The following ADAM10 variants were observed in gnomAD, a reference collection of about 807,000 sequenced individuals.
ADAM10 encodes disintegrin and metalloproteinase domain-containing protein 10.
A neutral mutation model predicts 90.1 loss-of-function variants in ADAM10; 17 were observed. The ratio of observed to expected loss-of-function variants is 0.19; its 90% CI spans 0.13 to 0.28. The LOEUF is 0.28. Among genes scored for constraint, ADAM10 ranks in the 10% least tolerant of loss-of-function variants. The probability of loss-of-function intolerance (pLI) is 1.00; values close to 1 mark genes in which losing one functional copy is unlikely to be tolerated. For synonymous variants in ADAM10, 310 were observed against 298.6 expected (o/e 1.04, Z -0.40); for missense variants, 610 against 914.3 (o/e 0.67, Z 4.29).
intron 5 of ADAM10, among the ~76,000 whole-genome samples, chr15:58,655,675 T>C (rs1182749232): frequency 9.2e-6 from 1 of 108,852 alleles, no homozygotes; most frequent in Non-Finnish European, 1.7e-5. Flanking sequence ...CATACATACA[T>C]ACATATATAT....
At chr15:58,737,262 T>C (rs1392816097) in intron 1 of ADAM10, among the ~76,000 whole-genome samples, 1 of 152,176 alleles carries the variant, frequency 6.6e-6, no homozygotes, top group Non-Finnish European at 1.5e-5. Flanking sequence ...TGATTACATA[T>C]ATATTTATCT....
chr15:58,612,665 AG>A lies in ADAM10; in HGVS notation c.1512-675del, dbSNP rs145952449. ...TCCCCGGTGACCCAACTCGTCACTG[AG>A]TCCTATTGGCTCAGGCTCCGAAATT... is the stretch of plus-strand genomic sequence containing the variant. On this transcript the variant is annotated intron_variant, in intron 11 of 15. Transcript: ENST00000260408. 5.7e-4 allele frequency among the ~76,000 whole-genome samples: 87 copies of A among 152,254 alleles called. 1 individual carries two copies. The East Asian group carries it at 0.015, about 26-fold the overall frequency.
chr15:58,747,698 T>G (rs1450242519), intron 1 of ADAM10: 1 of 152,218 alleles, frequency 6.6e-6, no homozygotes, highest in African/African-American at 2.4e-5. Flanking sequence ...CACCAAAAAT[T>G]AGCCTTTTAA....
intron 5 of ADAM10, among the ~76,000 whole-genome samples, chr15:58,653,396 T>C (rs1896735276): frequency 6.6e-6 from 1 of 152,212 alleles, no homozygotes; most frequent in Non-Finnish European, 1.5e-5. Flanking sequence ...GTACCTTCTA[T>C]ACGCAATTTT....
chr15:58,720,935 T>A (rs1201467505), intron 1 of ADAM10, among the ~76,000 whole-genome samples: 1 of 152,244 alleles, frequency 6.6e-6, no homozygotes, highest in Non-Finnish European at 1.5e-5. Context: ...AGCTTGGCTT[T>A]GCAGAACTGT....
intron 11 of ADAM10, among the ~76,000 whole-genome samples, chr15:58,619,552 C>A (rs1032877283): frequency 1.3e-5 from 2 of 152,112 alleles, no homozygotes; most frequent in Non-Finnish European, 2.9e-5. Flanking sequence ...ATATTGTATG[C>A]ATGTATCAAA....
At chr15:58,601,238 G>A (rs8032025) in intron 14 of ADAM10, among the ~76,000 whole-genome samples, 5,499 of 152,186 alleles carry the variant, frequency 0.036, 114 homozygotes, top group African/African-American at 0.065. Flanking sequence ...GGGGCGGGTG[G>A]ATCACCTGAG....
intron 8 of ADAM10, among the ~76,000 whole-genome samples, chr15:58,635,624 AT>A (rs1896230730): frequency 6.6e-6 from 1 of 152,186 alleles, no homozygotes; most frequent in Non-Finnish European, 1.5e-5. Flanking sequence ...AAATATATAA[AT>A]AAGTATTCTG....
Position 58,627,686 on chromosome 15 carries a change from G to C in ADAM10, c.1360+14C>G. On this transcript the variant is annotated intron_variant, in intron 10 of 15. Transcript: ENST00000260408. ...GAAAATGTTCATAACAAAACGTTAGGAAAATATACATACCAACAAAACAGT... is the reference window on the plus strand; with the variant it reads ...GAAAATGTTCATAACAAAACGTTAGCAAAATATACATACCAACAAAACAGT... 6.2e-7 allele frequency: 1 copy of C among 1,608,724 alleles called. No individual in the cohort carries two copies. Among genetic ancestry groups the C allele is most frequent in the Non-Finnish European group, 8.5e-7 (1 of 1,175,744 alleles).
chr15:58,660,979 G>A (rs141549543), intron 5 of ADAM10, among the ~76,000 whole-genome samples: 36 of 152,382 alleles, frequency 2.4e-4, no homozygotes, highest in African/African-American at 8.2e-4. Context: ...CCCACAGGCC[G>A]TAGTTTGCTG....
At chr15:58,735,987 T>C (rs1260610316) in intron 1 of ADAM10, among the ~76,000 whole-genome samples, 1 of 152,170 alleles carries the variant, frequency 6.6e-6, no homozygotes, top group African/African-American at 2.4e-5. Context: ...TAGAGGACAA[T>C]AAAATGTTAC....
At chr15:58,676,399 A>T in intron 4 of ADAM10, 1 of 403,274 alleles carries the variant, frequency 2.5e-6, no homozygotes. Context: ...GTATATATTA[A>T]GCCATAATAA....
At chr15:58,616,891 A>C (rs1360567439) in intron 11 of ADAM10, among the ~76,000 whole-genome samples, 2 of 152,032 alleles carry the variant, frequency 1.3e-5, no homozygotes, top group African/African-American at 4.8e-5. Context: ...GACAGATCAC[A>C]AGGTCAAGAG....
intron 1 of ADAM10, among the ~76,000 whole-genome samples, chr15:58,726,679 C>G (rs1361078443): frequency 6.9e-6 from 1 of 145,176 alleles, no homozygotes; most frequent in Non-Finnish European, 1.5e-5. Flanking sequence ...CAGTTTAAAA[C>G]TCAGCCATAT....
rs1393740704 is a variant in ADAM10, at chr15:58,675,869, G to A, written c.484+3255C>T. ...TCATCAAAAGGTATATCCAAGGTTAGTATGCCTCCCCTACCATTTGCTTCT... is the reference window on the plus strand; with the variant it reads ...TCATCAAAAGGTATATCCAAGGTTAATATGCCTCCCCTACCATTTGCTTCT... On this transcript the variant is annotated intron_variant, in intron 4 of 15. Transcript: ENST00000260408. Among the ~76,000 whole-genome samples the A allele has an allele frequency of 4.6e-5, 7 of 152,144 alleles. No individual in the cohort carries two copies. The East Asian group carries it at 9.6e-4, about 21-fold the overall frequency.
intron 10 of ADAM10, 83 bp downstream of exon 10, chr15:58,627,617 T>C (rs1895985297): frequency 1.7e-6 from 2 of 1,210,838 alleles, no homozygotes; most frequent in Non-Finnish European, 2.4e-6. Context: ...GTGGTGGGTA[T>C]GTCAGTAATC....
At chr15:58,729,759 T>A (rs1169475470) in intron 1 of ADAM10, among the ~76,000 whole-genome samples, 2 of 151,978 alleles carry the variant, frequency 1.3e-5, no homozygotes, top group Non-Finnish European at 2.9e-5. Flanking sequence ...AGGTCAGGAG[T>A]TTGAGACAGC....
intron 4 of ADAM10, among the ~76,000 whole-genome samples, chr15:58,668,999 A>G (rs1159072557): frequency 2.0e-5 from 3 of 152,208 alleles, no homozygotes; most frequent in African/African-American, 4.8e-5. Flanking sequence ...CAGATTGACT[A>G]TAACATACAG....
At chr15:58,720,631 G>C (rs1289985678) in intron 1 of ADAM10, among the ~76,000 whole-genome samples, 1 of 150,978 alleles carries the variant, frequency 6.6e-6, no homozygotes, top group African/African-American at 2.4e-5. Context: ...TCGATCTCCT[G>C]ACCTCGTGAT....
Sources: gnomAD v4.1 joint callset for allele counts (sites outside exome capture counted in the v4.1 genomes callset) on GRCh38, gnomAD v4.1.1 for gene constraint, MANE v1.5 for transcripts, NCBI Gene and HGNC (gene_info 2026-07-23, HGNC 2026-07-21) for gene names.